FAM107B: variants seen among roughly 807,000 people sequenced by gnomAD.
FAM107B encodes protein FAM107B.
A neutral mutation model predicts 31.5 loss-of-function variants in FAM107B; 21 were observed. The ratio of observed to expected loss-of-function variants is 0.67; its 90% CI spans 0.47 to 0.96. The LOEUF (loss-of-function observed/expected upper bound fraction) is 0.96, where lower values mean the gene tolerates loss of function less well. Ranked by LOEUF, FAM107B falls within the 40% of genes least tolerant of loss-of-function variation. The pLI, the probability that FAM107B is intolerant of heterozygous loss-of-function variation, is 0.00. For synonymous variants in FAM107B, 157 were observed against 141.5 expected (o/e 1.11, Z -0.78); for missense variants, 452 against 377.1 (o/e 1.20, Z -1.64).
intron 1 of FAM107B, among the ~76,000 whole-genome samples, chr10:14,714,882 T>C (rs1182709916): frequency 6.6e-6 from 1 of 152,184 alleles, no homozygotes; most frequent in African/African-American, 2.4e-5. Context: ...ACCCACTACA[T>C]TTACATATAT....
rs144552724 is a variant in FAM107B, at chr10:14,623,507, G to A, written c.469+44127C>T. On this transcript the variant is annotated intron_variant, in intron 2 of 4. Transcript: ENST00000181796. ...AGCACACATATTCAGAGGAGGAGTCGGGAGAGCTCAGGCGTCAAGCTAACT... is the reference window on the plus strand; with the variant it reads ...AGCACACATATTCAGAGGAGGAGTCAGGAGAGCTCAGGCGTCAAGCTAACT... Among the ~76,000 whole-genome samples the A allele has an allele frequency of 7.5e-3, 1,146 of 152,310 alleles. 8 individuals are homozygous for A. The highest frequency in any genetic ancestry group is 0.026 in the African/African-American group (1,098 of 41,556).
At chr10:14,719,514 C>T (rs1855862159) in intron 1 of FAM107B, among the ~76,000 whole-genome samples, 1 of 152,092 alleles carries the variant, frequency 6.6e-6, no homozygotes, top group Non-Finnish European at 1.5e-5. Context: ...GCCATTTGTT[C>T]CAGGGAACAC....
Position 14,521,308 on chromosome 10 carries a change from T to C in FAM107B, c.805-2A>G. 6.2e-7 allele frequency: 1 copy of C among 1,612,206 alleles called. No individual in the cohort carries two copies. Among genetic ancestry groups the C allele is most frequent in the Non-Finnish European group, 8.5e-7 (1 of 1,178,916 alleles). ...CAATTTCTGCTTCTCAAGTTCAAGC[T>C]AAATGACATTCAGAAAAGGAAAAAT... On this transcript the variant is annotated splice_acceptor_variant, in intron 4 of 4. Coordinates refer to ENST00000181796, the MANE Select transcript of FAM107B (RefSeq NM_031453.4). LOFTEE classifies it high-confidence loss of function.
At chr10:14,606,175 C>T (rs1852584872) in intron 2 of FAM107B, among the ~76,000 whole-genome samples, 1 of 152,164 alleles carries the variant, frequency 6.6e-6, no homozygotes, top group African/African-American at 2.4e-5. Flanking sequence ...AGTGGCCCTG[C>T]TCTGTGATGA....
chr10:14,734,100 AT>A (rs200734408), intron 1 of FAM107B, among the ~76,000 whole-genome samples: 6,175 of 152,170 alleles, frequency 0.041, 216 homozygotes, highest in African/African-American at 0.1. Context: ...TTAAAAAAAA[AT>A]ATATACAACT....
chr10:14,683,218 TG>T (rs1854883305), intron 1 of FAM107B, among the ~76,000 whole-genome samples: 1 of 139,452 alleles, frequency 7.2e-6, no homozygotes, highest in Non-Finnish European at 1.6e-5. Flanking sequence ...TTTTGATTTT[TG>T]GGAAATCTAA....
At chr10:14,548,824 A>G (rs1014723205) in intron 2 of FAM107B, among the ~76,000 whole-genome samples, 3 of 39,790 alleles carry the variant, frequency 7.5e-5, no homozygotes, top group African/African-American at 1.8e-4. Context: ...ACACATGCAC[A>G]CGCACACACA....
At chr10:14,686,392 C>CAAA (rs61066393) in intron 1 of FAM107B, among the ~76,000 whole-genome samples, 4,131 of 125,662 alleles carry the variant, frequency 0.033, 224 homozygotes, top group African/African-American at 0.12. Context: ...CTGCATGTCT[C>CAAA]AAAAAAAAAA....
chr10:14,603,309 G>A (rs534676540), intron 2 of FAM107B, among the ~76,000 whole-genome samples: 1 of 152,262 alleles, frequency 6.6e-6, no homozygotes, highest in South Asian at 2.1e-4. Flanking sequence ...GAAAACCGAT[G>A]TACTTGATAG....
At position 14,530,425 on chromosome 10, in the gene FAM107B, G is replaced by C; in HGVS notation, c.560C>G (p.Pro187Arg). ...CAGTTTCTGAGGCCTAATGAGTTCA[G>C]GATTGTCATCTTCTATGTAGTCTGG... Reference protein sequence around the residue: ...AEPDYIEDDNPELIRPQKLIN... With the variant: ...AEPDYIEDDNRELIRPQKLIN... Residue 187 changes from proline (P) to arginine (R), a missense_variant, in exon 3 of 5, where the codon CCT becomes CGT. Coordinates refer to ENST00000181796, the MANE Select transcript of FAM107B (RefSeq NM_031453.4). 6.2e-7 allele frequency: 1 copy of C among 1,614,098 alleles called. No individual in the cohort carries two copies. Among genetic ancestry groups the C allele is most frequent in the Non-Finnish European group, 8.5e-7 (1 of 1,180,016 alleles).
intron 2 of FAM107B, among the ~76,000 whole-genome samples, chr10:14,531,992 C>G (rs1253408169): frequency 1.3e-5 from 2 of 152,220 alleles, no homozygotes; most frequent in African/African-American, 4.8e-5. Flanking sequence ...TGCGATTTCT[C>G]TAAGTTTTAG....
intron 1 of FAM107B, among the ~76,000 whole-genome samples, chr10:14,706,431 T>C (rs1395555660): frequency 6.6e-6 from 1 of 152,190 alleles, no homozygotes; most frequent in African/African-American, 2.4e-5. Context: ...TCCCACTATG[T>C]TGCCCAGGCT....
chr10:14,699,559 A>C (rs1214840562), intron 1 of FAM107B, among the ~76,000 whole-genome samples: 2 of 152,222 alleles, frequency 1.3e-5, no homozygotes, highest in East Asian at 3.9e-4. Flanking sequence ...TGTTCTATCA[A>C]GCCCGCAATG....
chr10:14,761,605 CT>C (rs908789877), intron 1 of FAM107B, among the ~76,000 whole-genome samples: 3 of 151,554 alleles, frequency 2.0e-5, no homozygotes, highest in African/African-American at 4.8e-5. Context: ...GCTCTTTTTT[CT>C]TTTTTTTCTT....
chr10:14,576,457 G>A (rs937122471), intron 2 of FAM107B, among the ~76,000 whole-genome samples: 3 of 152,102 alleles, frequency 2.0e-5, no homozygotes, highest in African/African-American at 7.2e-5. Flanking sequence ...AACCCGGGAG[G>A]CGGAGGCTGC....
At chr10:14,602,471 G>A in intron 2 of FAM107B, 1 of 152,236 alleles carries the variant, frequency 6.6e-6, no homozygotes, top group Non-Finnish European at 1.5e-5. Flanking sequence ...GCTAAAGAAC[G>A]ATTTTATTTT....
At chr10:14,537,936 A>G (rs1847810079) in intron 2 of FAM107B, among the ~76,000 whole-genome samples, 1 of 152,186 alleles carries the variant, frequency 6.6e-6, no homozygotes, top group Non-Finnish European at 1.5e-5. Flanking sequence ...CTGGCAACGA[A>G]TAAGAATAAA....
Position 14,626,319 on chromosome 10 carries a change from A to C in FAM107B, c.469+41315T>G, listed in dbSNP as rs137998464. Among the ~76,000 whole-genome samples, 216 of 152,218 alleles carry C rather than the reference A, an allele frequency of 1.4e-3. 2 individuals carry two copies. Among genetic ancestry groups the C allele is most frequent in the African/African-American group, 4.3e-3 (179 of 41,530 alleles). ...TAAAAACAATGCTGGTCTATATTTGAAGGAAATTTTACAGTTTTCAGTCAG... is the reference window on the plus strand; with the variant it reads ...TAAAAACAATGCTGGTCTATATTTGCAGGAAATTTTACAGTTTTCAGTCAG... On this transcript the variant is annotated intron_variant, in intron 2 of 4. Transcript: ENST00000181796.
rs528629097 is a variant in FAM107B at position 14,594,120 on chromosome 10, C to T, written c.470-63605G>A. On this transcript the variant is annotated intron_variant, in intron 2 of 4. Coordinates refer to ENST00000181796, the MANE Select transcript of FAM107B (RefSeq NM_031453.4). The stretch of plus-strand genomic sequence containing the variant: ...TGTTTTTAATTTGGTGCCATTCTGA[C>T]ACTATGCCTAAGAATACTTCACAAA... 2.0e-5 allele frequency among the ~76,000 whole-genome samples: 3 copies of T among 152,340 alleles called. No homozygotes were observed. In the South Asian group the frequency reaches 6.2e-4, roughly 32 times the overall value.
Sources: gnomAD v4.1 joint callset for allele counts (sites outside exome capture counted in the v4.1 genomes callset) on GRCh38, gnomAD v4.1.1 for gene constraint, MANE v1.5 for transcripts, NCBI Gene and HGNC (gene_info 2026-07-23, HGNC 2026-07-21) for gene names.